The following PLXDC2 variants were observed in gnomAD, a reference collection of about 807,000 sequenced individuals.
PLXDC2 encodes plexin domain-containing protein 2.
A neutral mutation model predicts 68.9 loss-of-function variants in PLXDC2; 40 were observed. The observed-to-expected ratio is 0.58, with a 90% CI of 0.45 to 0.76. PLXDC2 has a LOEUF of 0.76. Among genes scored for constraint, PLXDC2 ranks in the 30% least tolerant of loss-of-function variants. PLXDC2 has a pLI of 0.00. For missense variants in PLXDC2, 644 were observed against 661.9 expected, an observed-to-expected ratio of 0.97 and a Z score of 0.30; for synonymous variants, 243 against 234.2, an observed-to-expected ratio of 1.04 and a Z score of -0.34.
intron 7 of PLXDC2, among the ~76,000 whole-genome samples, chr10:20,166,397 T>C (rs184749305): frequency 8.3e-4 from 126 of 152,172 alleles, no homozygotes; most frequent in African/African-American, 2.9e-3. Flanking sequence ...AGAAACTAAA[T>C]TGTACTGTGA....
intron 2 of PLXDC2, among the ~76,000 whole-genome samples, chr10:20,038,309 G>C (rs1358526471): frequency 6.6e-6 from 1 of 151,798 alleles, no homozygotes; most frequent in African/African-American, 2.4e-5. Context: ...ATAAGATATC[G>C]CTAGAGGGAT....
At chr10:20,180,139 A>T (rs1834582177) in intron 9 of PLXDC2, among the ~76,000 whole-genome samples, 1 of 152,066 alleles carries the variant, frequency 6.6e-6, no homozygotes. Flanking sequence ...TTTGCATATT[A>T]TTGAAAGCAT....
At chr10:20,065,293 A>G (rs756442073) in intron 3 of PLXDC2, among the ~76,000 whole-genome samples, 1 of 152,308 alleles carries the variant, frequency 6.6e-6, no homozygotes, top group East Asian at 1.9e-4. Flanking sequence ...GTATGAGGGC[A>G]AAAGTTGTCA....
At chr10:19,962,669 C>T (rs1302571975) in intron 1 of PLXDC2, among the ~76,000 whole-genome samples, 5 of 142,486 alleles carry the variant, frequency 3.5e-5, no homozygotes, top group African/African-American at 7.6e-5. Flanking sequence ...GGATTAGGGG[C>T]GAGAGCCACC....
intron 12 of PLXDC2, among the ~76,000 whole-genome samples, chr10:20,235,932 A>G (rs1267474460): frequency 1.3e-5 from 2 of 152,142 alleles, no homozygotes; most frequent in South Asian, 2.1e-4. Context: ...CATAGTCACT[A>G]TGAATATCTT....
intron 4 of PLXDC2, among the ~76,000 whole-genome samples, chr10:20,124,442 C>G (rs530327108): frequency 6.6e-6 from 1 of 152,052 alleles, no homozygotes; most frequent in African/African-American, 2.4e-5. Flanking sequence ...GACCTGAGGT[C>G]GTAGGTGGAT....
At chr10:19,857,399 G>A (rs984581179) in intron 1 of PLXDC2, among the ~76,000 whole-genome samples, 1 of 151,914 alleles carries the variant, frequency 6.6e-6, no homozygotes, top group Admixed American at 6.6e-5. Flanking sequence ...ATCAACTGAG[G>A]GATAAGATCA....
chr10:19,816,908 GCTTCTTCCT>G lies in PLXDC2; in HGVS notation c.-166_-158del, dbSNP rs1836353245. 3.3e-6 allele frequency: 2 copies of G among 602,880 alleles called. No individual in the cohort carries two copies. The highest frequency in any genetic ancestry group is 5.9e-6 in the Non-Finnish European group (2 of 340,236). The allele number at this position is 602,880 out of a possible 1,614,324, so 37.3% of individuals were successfully genotyped here. A position where few individuals can be genotyped will look rare whatever the true frequency, so the allele number is the denominator to read the frequency against. Reference sequence around the variant, plus strand: ...GAGCGCTGCGCTCCTACTCGCGTTCGCTTCTTCCTCTTCTCGGTTCCCTACTGTGAAATC... The same window carrying G: ...GAGCGCTGCGCTCCTACTCGCGTTCGCTTCTCGGTTCCCTACTGTGAAATC... On this transcript the variant is annotated 5_prime_UTR_variant, in exon 1 of 14. Coordinates refer to ENST00000377252, the MANE Select transcript of PLXDC2 (RefSeq NM_032812.9).
At chr10:20,030,385 T>G (rs1835482669) in intron 2 of PLXDC2, among the ~76,000 whole-genome samples, 1 of 152,236 alleles carries the variant, frequency 6.6e-6, no homozygotes, top group African/African-American at 2.4e-5. Flanking sequence ...GTGTACCTTG[T>G]AGGCAATGCC....
At chr10:20,194,078 G>C (rs746829473) in intron 9 of PLXDC2, among the ~76,000 whole-genome samples, 63 of 151,840 alleles carry the variant, frequency 4.1e-4, no homozygotes, top group Non-Finnish European at 7.4e-4. Flanking sequence ...GGTATAACAA[G>C]AATTTTAAAA....
At chr10:19,928,614 C>G (rs760622739) in intron 1 of PLXDC2, among the ~76,000 whole-genome samples, 3 of 152,132 alleles carry the variant, frequency 2.0e-5, no homozygotes, top group Non-Finnish European at 2.9e-5. Flanking sequence ...CCAGGCCACC[C>G]CTTGGCGGGG....
rs568890626 is a variant in PLXDC2 at position 20,122,778 on chromosome 10, G to A, written c.542-20517G>A. The stretch of plus-strand genomic sequence containing the variant: ...TACTATTGTACACCTTGAAGGCGAG[G>A]TTAATTAAATCCTGTTGTGGGGTTT... On this transcript the variant is annotated intron_variant, in intron 4 of 13. Coordinates refer to ENST00000377252, the MANE Select transcript of PLXDC2 (RefSeq NM_032812.9). Among the ~76,000 whole-genome samples, 49 of 152,294 alleles carry A rather than the reference G, an allele frequency of 3.2e-4. 1 individual carries two copies. The South Asian group carries it at 8.7e-3, about 27-fold the overall frequency.
intron 2 of PLXDC2, among the ~76,000 whole-genome samples, chr10:20,014,382 G>GCTTCCTTC (rs539488828): frequency 0.018 from 1,415 of 79,052 alleles, 36 homozygotes; most frequent in African/African-American, 0.038. Context: ...TTCCTTCCTT[G>GCTTCCTTC]CTTCCTTCCT....
chr10:20,072,434 G>GAAAGAAAGAAAGAAAGAAAT (rs747797553), intron 4 of PLXDC2, among the ~76,000 whole-genome samples: 1 of 98,814 alleles, frequency 1.0e-5, no homozygotes, highest in Non-Finnish European at 1.9e-5. Context: ...GAGAAAGAAA[G>GAAAGAAAGAAAGAAAGAAAT]AAGAAAGAAG....
At chr10:20,237,027 C>G (rs1223266044) in intron 12 of PLXDC2, among the ~76,000 whole-genome samples, 2 of 150,420 alleles carry the variant, frequency 1.3e-5, no homozygotes, top group Non-Finnish European at 3.0e-5. Flanking sequence ...GATAGTCATC[C>G]TGTAAGATCT....
At chr10:20,087,363 T>C (rs527777205) in intron 4 of PLXDC2, among the ~76,000 whole-genome samples, 1 of 152,294 alleles carries the variant, frequency 6.6e-6, no homozygotes, top group South Asian at 2.1e-4. Flanking sequence ...GATAATTTAT[T>C]ACTACTAAAA....
rs375925339 is a variant in PLXDC2, at chr10:20,051,093, G to T, written c.471+4078G>T. 1.1e-4 allele frequency among the ~76,000 whole-genome samples: 16 copies of T among 152,144 alleles called. No homozygotes were observed. The South Asian group carries it at 3.3e-3, about 32-fold the overall frequency. ...AGATCATGTCTTTTGTGGGAACATG[G>T]ATGGAACTGGAGGCCATTATCCTTA... On this transcript the variant is annotated intron_variant, in intron 3 of 13. Coordinates refer to ENST00000377252, the MANE Select transcript of PLXDC2 (RefSeq NM_032812.9).
At chr10:20,016,304 C>T (rs1835209141) in intron 2 of PLXDC2, among the ~76,000 whole-genome samples, 1 of 152,214 alleles carries the variant, frequency 6.6e-6, no homozygotes, top group African/African-American at 2.4e-5. Context: ...AGAGAGACTA[C>T]TTCCTTTCTG....
intron 6 of PLXDC2, among the ~76,000 whole-genome samples, chr10:20,158,510 A>C (rs1589657854): frequency 5.7e-5 from 1 of 17,492 alleles, no homozygotes; most frequent in Non-Finnish European, 1.2e-4. Flanking sequence ...GCAAAAAAAA[A>C]AAAAAAAAAA....
Sources: gnomAD v4.1 joint callset for allele counts (sites outside exome capture counted in the v4.1 genomes callset) on GRCh38, gnomAD v4.1.1 for gene constraint, MANE v1.5 for transcripts, NCBI Gene and HGNC (gene_info 2026-07-23, HGNC 2026-07-21) for gene names.